MCTP1: variants seen among roughly 807,000 people sequenced by gnomAD.
The protein encoded by MCTP1 is multiple C2 and transmembrane domain containing 1.
A neutral mutation model predicts 120.6 loss-of-function variants in MCTP1; 69 were observed. The observed-to-expected ratio is 0.57, with a 90% CI of 0.47 to 0.70. The LOEUF (loss-of-function observed/expected upper bound fraction) is 0.70. Ranked by LOEUF, MCTP1 falls within the 30% of genes least tolerant of loss-of-function variation. MCTP1 has a pLI of 0.00. For missense variants in MCTP1, 1,203 were observed against 1,248.8 expected, an observed-to-expected ratio of 0.96 and a Z score of 0.55; for synonymous variants, 529 against 493.1, an observed-to-expected ratio of 1.07 and a Z score of -0.96.
At chr5:95,140,693 TAAAAAAAAAAAAAAAAAAAA>T (rs35248317) in intron 1 of MCTP1, among the ~76,000 whole-genome samples, 1,816 of 27,708 alleles carry the variant, frequency 0.066, 83 homozygotes, top group African/African-American at 0.18. Flanking sequence ...CTGTCCCTAC[TAAAAAAAAAAAAAAAAAAAA>T]AAAAAAAAAA....
intron 19 of MCTP1, among the ~76,000 whole-genome samples, chr5:94,740,084 ATATATG>A (rs1765167447): frequency 1.3e-5 from 2 of 152,368 alleles, no homozygotes; most frequent in Non-Finnish European, 2.9e-5. Context: ...CGTATTGGAA[ATATATG>A]TATATGTACA....
chr5:95,090,811 A>T (rs1025375277), intron 1 of MCTP1, among the ~76,000 whole-genome samples: 2 of 152,158 alleles, frequency 1.3e-5, no homozygotes, highest in African/African-American at 4.8e-5. Flanking sequence ...CCCTAGTCAG[A>T]GTGCTCCCAC....
At chr5:95,249,541 C>T (rs1299646331) in intron 1 of MCTP1, among the ~76,000 whole-genome samples, 14 of 152,172 alleles carry the variant, frequency 9.2e-5, no homozygotes, top group East Asian at 3.9e-4. Flanking sequence ...GAAATAGGAA[C>T]GCTTTTCACT....
intron 2 of MCTP1, among the ~76,000 whole-genome samples, chr5:95,013,814 C>T (rs1836517738): frequency 6.6e-6 from 1 of 152,078 alleles, no homozygotes; most frequent in Non-Finnish European, 1.5e-5. Context: ...CATTCTGCAG[C>T]CCATCGATCA....
intron 1 of MCTP1, among the ~76,000 whole-genome samples, chr5:95,136,053 C>A (rs56401385): frequency 6.6e-6 from 1 of 152,200 alleles, no homozygotes; most frequent in Non-Finnish European, 1.5e-5. Context: ...ACTTTATTAT[C>A]CTCATCTCCT....
chr5:95,159,650 G>A (rs1200307965), intron 1 of MCTP1, among the ~76,000 whole-genome samples: 7 of 151,268 alleles, frequency 4.6e-5, no homozygotes, highest in African/African-American at 1.5e-4. Flanking sequence ...CATACCCAGT[G>A]TATCAGAATT....
intron 1 of MCTP1, among the ~76,000 whole-genome samples, chr5:95,172,888 C>A (rs575950367): frequency 6.6e-6 from 1 of 152,038 alleles, no homozygotes; most frequent in East Asian, 1.9e-4. Context: ...CAATAAACAC[C>A]CTAGAGCTTA....
At chr5:94,778,268 C>A (rs768624596) in intron 19 of MCTP1, among the ~76,000 whole-genome samples, 18 of 152,146 alleles carry the variant, frequency 1.2e-4, no homozygotes, top group Non-Finnish European at 2.4e-4. Flanking sequence ...CGCCAAACAA[C>A]GTGGAAATAA....
chr5:95,137,335 T>C (rs1759521694), intron 1 of MCTP1, among the ~76,000 whole-genome samples: 1 of 152,252 alleles, frequency 6.6e-6, no homozygotes, highest in African/African-American at 2.4e-5. Context: ...CTCAGCATTG[T>C]CGTCAATAAC....
chr5:95,018,974 C>T (rs1273520488), intron 1 of MCTP1, among the ~76,000 whole-genome samples: 2 of 151,992 alleles, frequency 1.3e-5, no homozygotes, highest in Non-Finnish European at 2.9e-5. Context: ...CAAACATAAA[C>T]ACATACATAT....
At chr5:94,862,906 G>T (rs149352) in intron 17 of MCTP1, among the ~76,000 whole-genome samples, 1 of 151,524 alleles carries the variant, frequency 6.6e-6, no homozygotes, top group Non-Finnish European at 1.5e-5. Flanking sequence ...ATTGTGGTAC[G>T]AGAAACTTCT....
intron 1 of MCTP1, among the ~76,000 whole-genome samples, chr5:95,240,973 A>G (rs757605757): frequency 5.9e-5 from 9 of 152,036 alleles, no homozygotes; most frequent in Non-Finnish European, 1.2e-4. Context: ...ATTAGAAAAT[A>G]TCCTAGTAGG....
chr5:95,256,988 CT>C (rs1238990974), intron 1 of MCTP1, among the ~76,000 whole-genome samples: 1 of 152,166 alleles, frequency 6.6e-6, no homozygotes, highest in Non-Finnish European at 1.5e-5. Flanking sequence ...ACATATTTAA[CT>C]TTTTTTAAAT....
At chr5:94,808,861 T>C (rs1782888102) in intron 17 of MCTP1, among the ~76,000 whole-genome samples, 2 of 152,276 alleles carry the variant, frequency 1.3e-5, no homozygotes, top group South Asian at 4.1e-4. Context: ...TGAAAAAACA[T>C]TGTTTCTTTG....
At chr5:95,050,709 A>G (rs1745670966) in intron 1 of MCTP1, among the ~76,000 whole-genome samples, 1 of 152,226 alleles carries the variant, frequency 6.6e-6, no homozygotes, top group African/African-American at 2.4e-5. Context: ...AGACCTTGGC[A>G]GAGATGCTTT....
chr5:95,032,490 T>C lies in MCTP1; in HGVS notation c.721-15006A>G, dbSNP rs1404022204. On this transcript the variant is annotated intron_variant, in intron 1 of 22. Coordinates refer to ENST00000515393, the MANE Select transcript of MCTP1 (RefSeq NM_024717.7). ...TAAAAAGTCTTGTTTCCGAAGAACT[T>C]TGGGTAAACAACAAAGTTAAGATGG... Among the ~76,000 whole-genome samples the C allele has an allele frequency of 2.6e-5, 4 of 152,016 alleles. No homozygotes were observed. The East Asian group carries it at 5.8e-4, about 22-fold the overall frequency.
intron 22 of MCTP1, among the ~76,000 whole-genome samples, 160 bp from the exon 23 acceptor site, chr5:94,707,727 G>T (rs931448869): frequency 2.0e-5 from 3 of 151,958 alleles, no homozygotes; most frequent in African/African-American, 7.2e-5. Flanking sequence ...TAGAATGACA[G>T]AGCAAGAATA....
chr5:95,227,673 T>C (rs1280385348), intron 1 of MCTP1, among the ~76,000 whole-genome samples: 1 of 152,218 alleles, frequency 6.6e-6, no homozygotes, highest in East Asian at 1.9e-4. Context: ...TGACAGGCTG[T>C]GTCTACATAG....
chr5:94,951,221 T>A (rs1394972015), intron 3 of MCTP1, among the ~76,000 whole-genome samples: 2 of 152,190 alleles, frequency 1.3e-5, no homozygotes, highest in African/African-American at 2.4e-5. Flanking sequence ...CATTCTTTTT[T>A]TGTGTACTTC....
Sources: gnomAD v4.1 joint callset for allele counts (sites outside exome capture counted in the v4.1 genomes callset) on GRCh38, gnomAD v4.1.1 for gene constraint, MANE v1.5 for transcripts, NCBI Gene and HGNC (gene_info 2026-07-23, HGNC 2026-07-21) for gene names.